Variants in GSE1 observed in about 807,000 individuals in gnomAD.
GSE1 encodes genetic suppressor element 1.
In GSE1, 32 loss-of-function variants were observed where a neutral mutation model predicts 112.6. That is an observed-to-expected ratio of 0.28 (90% confidence interval 0.21 to 0.38). GSE1 has a LOEUF of 0.38. Ranked by LOEUF, GSE1 falls within the 10% of genes least tolerant of loss-of-function variation. GSE1 has a pLI of 1.00. For missense variants in GSE1, 2,348 were observed against 1,699.2 expected (o/e 1.38, Z -6.71); for synonymous variants, 1,115 against 735.6 (o/e 1.52, Z -8.35).
intron 2 of GSE1, among the ~76,000 whole-genome samples, chr16:85,508,597 G>T (rs2151927192): frequency 6.6e-6 from 1 of 152,310 alleles, no homozygotes; most frequent in South Asian, 2.1e-4. Flanking sequence ...ATGGGTGTCA[G>T]GGCAGGGCCC....
At chr16:85,638,875 A>G (rs1001547678) in intron 2 of GSE1, among the ~76,000 whole-genome samples, 2 of 151,930 alleles carry the variant, frequency 1.3e-5, no homozygotes, top group South Asian at 2.1e-4. Context: ...CCCCCCGTCA[A>G]TGGCTCTGGG....
intron 2 of GSE1, among the ~76,000 whole-genome samples, chr16:85,400,431 T>C (rs2048075652): frequency 6.6e-6 from 1 of 152,108 alleles, no homozygotes; most frequent in Non-Finnish European, 1.5e-5. Flanking sequence ...TTTGTGTGTG[T>C]CTCTGCATGT....
chr16:85,444,862 C>T (rs897001417), intron 2 of GSE1, among the ~76,000 whole-genome samples: 9 of 152,278 alleles, frequency 5.9e-5, no homozygotes, highest in Middle Eastern at 3.4e-3. Flanking sequence ...GGAGCAGAAG[C>T]TCAGGATTGC....
At chr16:85,504,073 C>T (rs2051458112) in intron 2 of GSE1, among the ~76,000 whole-genome samples, 1 of 152,242 alleles carries the variant, frequency 6.6e-6, no homozygotes, top group Non-Finnish European at 1.5e-5. Context: ...CTGCCCGCAC[C>T]TCTCTTCCAG....
chr16:85,291,109 G>A (rs575470508), intron 1 of GSE1, among the ~76,000 whole-genome samples: 1 of 152,364 alleles, frequency 6.6e-6, no homozygotes, highest in South Asian at 2.1e-4. Context: ...AGCCCTGGGA[G>A]GTTGGCACTG....
intron 2 of GSE1, among the ~76,000 whole-genome samples, chr16:85,635,274 G>T (rs577352513): frequency 6.6e-6 from 1 of 152,158 alleles, no homozygotes; most frequent in African/African-American, 2.4e-5. Flanking sequence ...GAGGCCCGTT[G>T]GGGTCTGGTT....
At chr16:85,277,855 C>T (rs1193313597) in intron 1 of GSE1, among the ~76,000 whole-genome samples, 1 of 152,238 alleles carries the variant, frequency 6.6e-6, no homozygotes, top group African/African-American at 2.4e-5. Flanking sequence ...CCCAGGACAC[C>T]AGCTGCTGCT....
At chr16:85,290,060 G>A (rs1020429610) in intron 1 of GSE1, among the ~76,000 whole-genome samples, 2 of 152,178 alleles carry the variant, frequency 1.3e-5, no homozygotes, top group African/African-American at 4.8e-5. Context: ...GCGGGGAAGT[G>A]AGACGATGCC....
At chr16:85,409,897 T>C (rs182638264) in intron 2 of GSE1, among the ~76,000 whole-genome samples, 1 of 2,340 alleles carries the variant, frequency 4.3e-4, no homozygotes, top group Admixed American at 4.6e-3. Context: ...TCACTGTTAC[T>C]CTCAGGCCCC....
chr16:85,638,210 C>G (rs2050160505), intron 2 of GSE1, among the ~76,000 whole-genome samples: 1 of 152,234 alleles, frequency 6.6e-6, no homozygotes, highest in South Asian at 2.1e-4. Context: ...TTTAAAAATT[C>G]AATTCAGACG....
chr16:85,502,311 TGTGGGTAGCGCC>T (rs574210435), intron 2 of GSE1, among the ~76,000 whole-genome samples: 106 of 152,288 alleles, frequency 7.0e-4, no homozygotes, highest in East Asian at 3.7e-3. Context: ...CAGCCTGTGC[TGTGGGTAGCGCC>T]GTGGGTAGCG....
At chr16:85,669,074 A>T (rs2152006565) in intron 14 of GSE1, among the ~76,000 whole-genome samples, 1 of 152,356 alleles carries the variant, frequency 6.6e-6, no homozygotes, top group African/African-American at 2.4e-5. Flanking sequence ...TGGGGCCACG[A>T]AGTTGGGCGT....
intron 1 of GSE1, among the ~76,000 whole-genome samples, chr16:85,332,802 CAG>C (rs2046403962): frequency 6.6e-6 from 1 of 152,186 alleles, no homozygotes; most frequent in African/African-American, 2.4e-5. Flanking sequence ...CTTCTCTCCT[CAG>C]AGTCATTGCT....
At position 85,427,001 on chromosome 16, in the gene GSE1, T is replaced by A. The variant is rs577522407; in HGVS notation, c.2464+69358T>A. On this transcript the variant is annotated intron_variant, in intron 2 of 2. Coordinates refer to the GSE1 transcript ENST00000637419. ...AGTGACCTGGGGGCCTCAGTTTGCC[T>A]GCCTAGGAAATGGAGCTATGAGGCT... Among the ~76,000 whole-genome samples the A allele has an allele frequency of 3.9e-5, 6 of 152,286 alleles. No individual in the cohort carries two copies. In the South Asian group the frequency reaches 8.3e-4, roughly 21 times the overall value.
chr16:85,213,035 C>T (rs1210502961), intron 1 of GSE1, among the ~76,000 whole-genome samples: 1 of 152,038 alleles, frequency 6.6e-6, no homozygotes, highest in Non-Finnish European at 1.5e-5. Context: ...CTTTGGGAGG[C>T]CAAGGTGGGC....
chr16:85,474,777 G>A (rs1029847674), intron 2 of GSE1, among the ~76,000 whole-genome samples: 2 of 151,808 alleles, frequency 1.3e-5, no homozygotes, highest in African/African-American at 2.4e-5. Context: ...GAGCCTCCAG[G>A]ACCCCTGGAA....
chr16:85,358,069 C>T (rs1389393167), intron 2 of GSE1, among the ~76,000 whole-genome samples: 1 of 152,134 alleles, frequency 6.6e-6, no homozygotes, highest in Non-Finnish European at 1.5e-5. Context: ...CCACGGGGAA[C>T]CAGGCTGCTC....
upstream of GSE1, among the ~76,000 whole-genome samples, chr16:85,553,239 G>T (rs1472682744): frequency 6.7e-6 from 1 of 150,140 alleles, no homozygotes; most frequent in Non-Finnish European, 1.5e-5. Context: ...GGGCGCGCGG[G>T]GTGGGGGCAG....
intron 2 of GSE1, among the ~76,000 whole-genome samples, chr16:85,531,956 A>G (rs1207500125): frequency 6.6e-6 from 1 of 152,118 alleles, no homozygotes. Flanking sequence ...GAGCTGATGG[A>G]GAAGGGGCGC....
Sources: gnomAD v4.1 joint callset for allele counts (sites outside exome capture counted in the v4.1 genomes callset) on GRCh38, gnomAD v4.1.1 for gene constraint, MANE v1.5 for transcripts, NCBI Gene and HGNC (gene_info 2026-07-23, HGNC 2026-07-21) for gene names.